NPIPA5: variants seen among roughly 807,000 people sequenced by gnomAD.
NPIPA5 encodes nuclear pore complex interacting protein family member A5.
NPIPA5 carries 6 observed loss-of-function variants against 21.4 expected under a neutral mutation model. The observed-to-expected ratio is 0.28, with a 90% CI of 0.15 to 0.55. NPIPA5 has a LOEUF of 0.55. Among genes scored for constraint, NPIPA5 ranks in the 20% least tolerant of loss-of-function variants. NPIPA5 has a pLI of 0.93. For synonymous variants in NPIPA5, 33 were observed against 115.3 expected (o/e 0.29, Z 4.57); for missense variants, 99 against 318.2 (o/e 0.31, Z 5.24).
At chr16:15,376,869 G>A (rs2050310372) in intron 1 of NPIPA5, among the ~76,000 whole-genome samples, 1 of 152,110 alleles carries the variant, frequency 6.6e-6, no homozygotes, top group Non-Finnish European at 1.5e-5. Flanking sequence ...AGCTACTCAG[G>A]AGGCTGAGGC....
chr16:15,369,381 A>C (rs1381067748), intron 4 of NPIPA5, among the ~76,000 whole-genome samples: 2 of 150,892 alleles, frequency 1.3e-5, no homozygotes, highest in Non-Finnish European at 3.0e-5. Context: ...GCTTGAACCC[A>C]AAAGGCAGTG....
At chr16:15,366,991 G>T (rs1361808846) in intron 4 of NPIPA5, among the ~76,000 whole-genome samples, 1 of 151,980 alleles carries the variant, frequency 6.6e-6, no homozygotes, top group Non-Finnish European at 1.5e-5. Flanking sequence ...CATCTTCATA[G>T]TTCCATAGTT....
chr16:15,376,807 C>T (rs1334594911), intron 1 of NPIPA5, among the ~76,000 whole-genome samples: 1 of 151,958 alleles, frequency 6.6e-6, no homozygotes, highest in Non-Finnish European at 1.5e-5. Context: ...AAAAATTAGC[C>T]AGGCGTGGTG....
chr16:15,375,469 C>T (rs76706579), intron 1 of NPIPA5, among the ~76,000 whole-genome samples: 3 of 150,950 alleles, frequency 2.0e-5, no homozygotes, highest in Non-Finnish European at 3.0e-5. Flanking sequence ...GTGGGCCGGG[C>T]GTGGTGGCTC....
At chr16:15,381,088 A>G (rs1354890826), upstream of NPIPA5, 5 of 1,539,334 alleles carry the variant, frequency 3.2e-6, no homozygotes, top group Admixed American at 7.8e-5. Context: ...GTGCCAACCT[A>G]TTAGACAATT....
intron 2 of NPIPA5, among the ~76,000 whole-genome samples, chr16:15,372,787 A>G (rs1412639326): frequency 1.4e-5 from 2 of 145,114 alleles, no homozygotes; most frequent in South Asian, 2.3e-4. Flanking sequence ...ACTGTCATGA[A>G]TGGCAAGACA....
intron 1 of NPIPA5, among the ~76,000 whole-genome samples, chr16:15,377,723 G>A (rs2050344502): frequency 1.5e-5 from 2 of 132,826 alleles, no homozygotes; most frequent in Non-Finnish European, 3.3e-5. Context: ...GGGAGGAGGA[G>A]GAGGAGAAGA....
At chr16:15,369,020 T>C (rs1362535007) in intron 4 of NPIPA5, among the ~76,000 whole-genome samples, 51 of 129,922 alleles carry the variant, frequency 3.9e-4, no homozygotes, top group Admixed American at 8.2e-4. Flanking sequence ...CCGAATGTGG[T>C]GGCACACACC....
At chr16:15,375,741 CAAAA>C in intron 1 of NPIPA5, among the ~76,000 whole-genome samples, 1 of 62,148 alleles carries the variant, frequency 1.6e-5, no homozygotes, top group African/African-American at 6.5e-5. Context: ...GACTCTGTCT[CAAAA>C]AAAAAAAAAA....
At chr16:15,374,264 T>C (rs2050231240) in intron 1 of NPIPA5, among the ~76,000 whole-genome samples, 1 of 150,916 alleles carries the variant, frequency 6.6e-6, no homozygotes, top group African/African-American at 2.4e-5. Flanking sequence ...AGTGGTGCAA[T>C]CTCGGCTCAC....
intron 1 of NPIPA5, among the ~76,000 whole-genome samples, chr16:15,376,848 A>G (rs369755059): frequency 0.12 from 7,719 of 61,890 alleles, 40 homozygotes; most frequent in Non-Finnish European, 0.22. Flanking sequence ...TTAGCCAGGC[A>G]TTGTAATCTG....
At chr16:15,368,486 G>C (rs1429229866) in intron 4 of NPIPA5, among the ~76,000 whole-genome samples, 1 of 151,928 alleles carries the variant, frequency 6.6e-6, no homozygotes, top group African/African-American at 2.4e-5. Flanking sequence ...AAAAAGATCA[G>C]TCATATGGCA....
chr16:15,376,732 T>A (rs549551683), intron 1 of NPIPA5, among the ~76,000 whole-genome samples: 2 of 152,168 alleles, frequency 1.3e-5, no homozygotes, highest in African/African-American at 4.8e-5. Context: ...CTGGCGAACA[T>A]GGTGAAACCC....
chr16:15,377,119 C>T (rs527759596), intron 1 of NPIPA5, among the ~76,000 whole-genome samples: 233 of 151,994 alleles, frequency 1.5e-3, no homozygotes, highest in Non-Finnish European at 2.6e-3. Flanking sequence ...TGGGCCCAAG[C>T]GATCCTCCCA....
At chr16:15,372,599 A>G (rs569477751) in intron 2 of NPIPA5, among the ~76,000 whole-genome samples, 1 of 146,170 alleles carries the variant, frequency 6.8e-6, no homozygotes, top group East Asian at 2.0e-4. Context: ...CATAACTCAT[A>G]TATTTTCTGT....
chr16:15,381,015 C>T (rs2050424592), upstream of NPIPA5: 2 of 1,514,138 alleles, frequency 1.3e-6, no homozygotes, highest in Non-Finnish European at 1.8e-6. Context: ...GGGACAGGAA[C>T]CGTGGGGTCA....
chr16:15,367,257 C>G (rs868389053), intron 4 of NPIPA5, among the ~76,000 whole-genome samples: 1 of 152,104 alleles, frequency 6.6e-6, no homozygotes, highest in African/African-American at 2.4e-5. Context: ...TAGAGAGATC[C>G]TTCCAGAATA....
chr16:15,376,645 G>A (rs1175496408), intron 1 of NPIPA5, among the ~76,000 whole-genome samples: 10 of 151,938 alleles, frequency 6.6e-5, no homozygotes, highest in East Asian at 1.9e-4. Flanking sequence ...TTGGCCAGGC[G>A]CGGTGGCTCA....
At chr16:15,377,821 G>A (rs1320101308) in intron 1 of NPIPA5, among the ~76,000 whole-genome samples, 1 of 151,026 alleles carries the variant, frequency 6.6e-6, no homozygotes, top group African/African-American at 2.4e-5. Flanking sequence ...GATCAGGGAA[G>A]CAACAGGACA....
Sources: allele counts gnomAD v4.1 joint callset (sites outside exome capture counted in the v4.1 genomes callset), GRCh38; gene constraint gnomAD v4.1.1; transcripts MANE v1.5; gene names NCBI Gene and HGNC (gene_info 2026-07-23, HGNC 2026-07-21).